MORC4: variants seen among roughly 807,000 people sequenced by gnomAD.
The protein encoded by MORC4 is MORC family CW-type zinc finger 4, also known as MORC family CW-type zinc finger protein 4.
In MORC4, 22 loss-of-function variants were observed where a neutral mutation model predicts 65.5. The ratio of observed to expected loss-of-function variants is 0.34; its 90% CI spans 0.24 to 0.48. The LOEUF (loss-of-function observed/expected upper bound fraction) is 0.48, where lower values mean the gene tolerates loss of function less well. Ranked by LOEUF, MORC4 falls within the 20% of genes least tolerant of loss-of-function variation. The probability of loss-of-function intolerance (pLI) is 0.99; values close to 1 mark genes in which losing one functional copy is unlikely to be tolerated. For missense variants in MORC4, 624 were observed against 703.0 expected, an observed-to-expected ratio of 0.89 and a Z score of 1.27; for synonymous variants, 267 against 255.8, an observed-to-expected ratio of 1.04 and a Z score of -0.42.
chrX:106,962,228 A>G, intron 9 of MORC4, 118 bp from the exon 10 acceptor site: 1 of 519,187 alleles, frequency 1.9e-6, no homozygotes, highest in Non-Finnish European at 3.2e-6. Context: ...ATATTTTTGA[A>G]CATCTACACT....
Position 106,991,955 on chromosome X carries a change from T to C in MORC4, c.308+1275A>G, listed in dbSNP as rs772499761. 1.7e-4 allele frequency among the ~76,000 whole-genome samples: 19 copies of C among 111,338 alleles called. No homozygotes were observed. The South Asian group carries it at 7.3e-3, about 43-fold the overall frequency. On this transcript the variant is annotated intron_variant, in intron 3 of 16. Transcript: ENST00000355610. Reference sequence around the variant, plus strand: ...ACGGGGAAAACAACCAACTAGTACATACAGAATTGAACATATAAATGCTTT... The same window carrying C: ...ACGGGGAAAACAACCAACTAGTACACACAGAATTGAACATATAAATGCTTT...
chrX:106,998,192 G>A (rs1935112025), intron 2 of MORC4, among the ~76,000 whole-genome samples: 1 of 112,071 alleles, frequency 8.9e-6, no homozygotes, highest in Non-Finnish European at 1.9e-5. Context: ...TTAACACTTT[G>A]CTCTCTCTTT....
In MORC4 at chrX:106,999,879, G is replaced by T; in HGVS notation, c.91C>A (p.Arg31Ser). ...PGGGPQAFGI[R>S]LSTMSPRYLQ... ...GGCCCCGGACCTACCGTGCTCAGGCGGATCCCGAAGGCCTGCGGGCCGCCG... is the reference window on the plus strand; with the variant it reads ...GGCCCCGGACCTACCGTGCTCAGGCTGATCCCGAAGGCCTGCGGGCCGCCG... The change falls in exon 1 of 17, where the codon CGC (arginine) becomes AGC (serine). Residue 31 changes from arginine (R) to serine (S), a missense_variant. Coordinates refer to ENST00000355610, the MANE Select transcript of MORC4 (RefSeq NM_024657.5). 2.0e-5 allele frequency: 17 copies of T among 831,042 alleles called. No individual in the cohort carries two copies. The highest frequency in any genetic ancestry group is 2.5e-5 in the Non-Finnish European group (17 of 689,518). The allele number at this position is 831,042 out of a possible 1,213,427, so 68.5% of individuals were successfully genotyped here.
intron 2 of MORC4, among the ~76,000 whole-genome samples, chrX:106,994,776 TTTTTTTTC>T (rs1378560621): frequency 2.7e-5 from 3 of 110,895 alleles, no homozygotes; most frequent in African/African-American, 9.9e-5. Flanking sequence ...AGTCAATCTT[TTTTTTTTC>T]TTTTTTTTCA....
In MORC4 at chrX:106,969,705, G is replaced by A. The variant is rs750015373; in HGVS notation, c.1157+6879C>T. 6.3e-5 allele frequency among the ~76,000 whole-genome samples: 7 copies of A among 111,891 alleles called. No individual in the cohort carries two copies. In the East Asian group the frequency reaches 8.4e-4, roughly 13 times the overall value. ...CAGAGAATACTATAAACACCTCTAC[G>A]CAAATAAACTAGAAAATCTAGAAGA... On this transcript the variant is annotated intron_variant, in intron 9 of 16. Coordinates refer to ENST00000355610, the MANE Select transcript of MORC4 (RefSeq NM_024657.5).
At chrX:106,979,947 T>C (rs1374129139) in intron 7 of MORC4, among the ~76,000 whole-genome samples, 2 of 110,590 alleles carry the variant, frequency 1.8e-5, no homozygotes, top group African/African-American at 6.6e-5. Context: ...AAAACATTCC[T>C]AGTAGCCAAG....
intron 14 of MORC4, among the ~76,000 whole-genome samples, chrX:106,951,467 C>T (rs1452247963): frequency 9.0e-6 from 1 of 110,690 alleles, no homozygotes. Flanking sequence ...GCAGCCTATG[C>T]TCAAGCGATC....
Position 106,955,064 on chromosome X carries a change from G to A in MORC4, c.1534C>T (p.Leu512Phe), listed in dbSNP as rs1250096876. ...AATCCAGCCATTTCTTGAACAGTAA[G>A]GATCTTTGGTGGATTACTGAATACC... is the stretch of plus-strand genomic sequence containing the variant. ...HQVFSNPPKILTVQEMAGLNN... is the reference protein window; with the variant it reads ...HQVFSNPPKIFTVQEMAGLNN... The change falls in exon 14 of 17, where the codon CTT becomes TTT. Residue 512 changes from leucine to phenylalanine, a missense_variant. Leu to Phe is a conservative substitution (Grantham distance 22, BLOSUM62 0). Transcript: ENST00000355610. 1 of 1,197,916 alleles carries A rather than the reference G, an allele frequency of 8.3e-7. No individual in the cohort carries two copies. The highest frequency in any genetic ancestry group is 1.8e-5 in the African/African-American group (1 of 56,725).
chrX:106,950,455 A>G (rs1422667323), intron 14 of MORC4, among the ~76,000 whole-genome samples: 1 of 112,165 alleles, frequency 8.9e-6, no homozygotes, highest in Non-Finnish European at 1.9e-5. Flanking sequence ...AGAACTAGAG[A>G]CAACAACAGT....
At chrX:106,991,440 T>C (rs149027430) in intron 3 of MORC4, among the ~76,000 whole-genome samples, 5,797 of 112,219 alleles carry the variant, frequency 0.052, 201 homozygotes, top group Non-Finnish European at 0.087. Context: ...GGAACAAAAA[T>C]TGTGGCAATT....
At chrX:106,969,958 T>A in intron 9 of MORC4, among the ~76,000 whole-genome samples, 1 of 111,437 alleles carries the variant, frequency 9.0e-6, no homozygotes, top group Non-Finnish European at 1.9e-5. Context: ...AAAGAGGGAA[T>A]CCTCCCTAAC....
chrX:106,947,558 C>CTATATATATATATTATA (rs1933861399), intron 14 of MORC4, among the ~76,000 whole-genome samples: 1 of 64,909 alleles, frequency 1.5e-5, no homozygotes, highest in Non-Finnish European at 2.7e-5. Flanking sequence ...TGTAGTTAAT[C>CTATATATATATATTATA]TATATATATA....
At chrX:106,970,152 G>C (rs1934475064) in intron 9 of MORC4, among the ~76,000 whole-genome samples, 1 of 111,945 alleles carries the variant, frequency 8.9e-6, no homozygotes, top group Non-Finnish European at 1.9e-5. Context: ...CTTCATCCCT[G>C]GGATGCAAGG....
Position 106,999,877 on chromosome X carries a change from G to A in MORC4, c.93C>T (p.Arg31=). 4.8e-6 allele frequency: 4 copies of A among 837,288 alleles called. No homozygotes were observed. The highest frequency in any genetic ancestry group is 5.8e-6 in the Non-Finnish European group (4 of 692,504). 69.0% of individuals were successfully genotyped at this position (837,288 alleles called of 1,213,427 possible). The change falls in exon 1 of 17, where the codon CGC becomes CGT. Residue 31 remains arginine (R), a synonymous_variant. Transcript: ENST00000355610. ...PGGGPQAFGI[R]LSTMSPRYLQ... ...CGGGCCCCGGACCTACCGTGCTCAG[G>A]CGGATCCCGAAGGCCTGCGGGCCGC...
chrX:106,992,387 A>G (rs1291784250), intron 3 of MORC4, among the ~76,000 whole-genome samples: 3 of 112,353 alleles, frequency 2.7e-5, no homozygotes, highest in Admixed American at 9.4e-5. Flanking sequence ...TGCTTCACAC[A>G]CTCTAGTTCA....
rs1935015750 is a variant in MORC4 at position 106,993,373 on chromosome X, T to C, written c.176-11A>G. The stretch of plus-strand genomic sequence containing the variant: ...GATCTACAGCATTATCTGCAAAAGG[T>C]AGAAATCTGCGATATTAGATCCCCT... On this transcript the variant is annotated splice_polypyrimidine_tract_variant and intron_variant, in intron 2 of 16. Transcript: ENST00000355610. 1.7e-6 allele frequency: 2 copies of C among 1,202,235 alleles called. No individual in the cohort carries two copies. Among genetic ancestry groups the C allele is most frequent in the Non-Finnish European group, 1.1e-6 (1 of 890,606 alleles).
At chrX:106,977,436 A>C (rs763458711) in intron 8 of MORC4, among the ~76,000 whole-genome samples, 119 of 111,912 alleles carry the variant, frequency 1.1e-3, no homozygotes, top group African/African-American at 3.7e-3. Flanking sequence ...AATAGGAATA[A>C]AAGGGATACT....
At chrX:106,963,935 C>T (rs1934314740) in intron 9 of MORC4, among the ~76,000 whole-genome samples, 1 of 109,457 alleles carries the variant, frequency 9.1e-6, no homozygotes, top group Admixed American at 9.8e-5. Flanking sequence ...AATTTTGTTT[C>T]CAGAGTTACC....
intron 10 of MORC4, among the ~76,000 whole-genome samples, chrX:106,959,300 G>A (rs1934179738): frequency 9.0e-6 from 1 of 110,914 alleles, no homozygotes; most frequent in African/African-American, 3.3e-5. Flanking sequence ...AGTACCTAAG[G>A]TGTAAAAGAC....
Sources: allele counts gnomAD v4.1 joint callset (sites outside exome capture counted in the v4.1 genomes callset), GRCh38; gene constraint gnomAD v4.1.1; transcripts MANE v1.5; gene names NCBI Gene and HGNC (gene_info 2026-07-23, HGNC 2026-07-21).